Variants in GLIS1 observed in about 807,000 individuals in gnomAD.
GLIS1 encodes the protein GLIS family zinc finger 1.
GLIS1 carries 24 observed loss-of-function variants against 63.8 expected under a neutral mutation model. The observed-to-expected ratio is 0.38, with a 90% CI of 0.27 to 0.53. The LOEUF (loss-of-function observed/expected upper bound fraction) is 0.53. Among genes scored for constraint, GLIS1 ranks in the 20% least tolerant of loss-of-function variants. The pLI, the probability that GLIS1 is intolerant of heterozygous loss-of-function variation, is 0.85. For missense variants in GLIS1, 1,036 were observed against 1,074.1 expected (o/e 0.96, Z 0.50); for synonymous variants, 450 against 482.5 (o/e 0.93, Z 0.88).
intron 2 of GLIS1, among the ~76,000 whole-genome samples, chr1:53,620,497 C>T (rs922177688): frequency 2.0e-5 from 3 of 152,234 alleles, no homozygotes; most frequent in Non-Finnish European, 4.4e-5. Flanking sequence ...ACCCCGTCGG[C>T]GGCTTGGCCA....
chr1:53,594,056 G>A lies in GLIS1; in HGVS notation c.1320+52C>T, dbSNP rs916598641. On this transcript the variant is annotated intron_variant, in intron 4 of 10. Coordinates refer to ENST00000628545, the MANE Select transcript of GLIS1 (RefSeq NM_001367484.1). ...CCTCTCCTGGGGCACTGGGGTGAGT[G>A]CTGCTCTGCCAGAGGGGCTGGGGTG... The A allele has an allele frequency of 2.6e-6, 4 of 1,555,076 alleles. 1 individual carries two copies. In the Admixed American group the frequency reaches 7.2e-5, roughly 28 times the overall value.
At chr1:53,515,079 A>ATGTGTGTGTGTG (rs5774151) in intron 7 of GLIS1, among the ~76,000 whole-genome samples, 187 of 142,090 alleles carry the variant, frequency 1.3e-3, no homozygotes, top group African/African-American at 4.5e-3. Flanking sequence ...GTGTGTGTAT[A>ATGTGTGTGTGTG]TGTGTGTGTG....
intron 6 of GLIS1, among the ~76,000 whole-genome samples, chr1:53,521,847 G>A (rs1644412724): frequency 6.6e-6 from 1 of 152,252 alleles, no homozygotes; most frequent in Admixed American, 6.5e-5. Context: ...GATGACTGGG[G>A]CAGGCACCTG....
chr1:53,680,882 T>C (rs986689025), intron 2 of GLIS1, among the ~76,000 whole-genome samples: 2 of 152,212 alleles, frequency 1.3e-5, no homozygotes, highest in African/African-American at 4.8e-5. Context: ...GAATTGACTG[T>C]GGACAAGAGC....
At chr1:53,708,305 C>T (rs1275944856) in intron 2 of GLIS1, among the ~76,000 whole-genome samples, 1 of 151,972 alleles carries the variant, frequency 6.6e-6, no homozygotes, top group Non-Finnish European at 1.5e-5. Context: ...GAAAGGAAAG[C>T]AAAGCTAAAG....
At chr1:53,589,729 G>A (rs899641590) in intron 4 of GLIS1, among the ~76,000 whole-genome samples, 1 of 152,170 alleles carries the variant, frequency 6.6e-6, no homozygotes, top group Non-Finnish European at 1.5e-5. Context: ...AACCCGGCCC[G>A]AGACTCCAGC....
At chr1:53,597,036 T>A in intron 3 of GLIS1, among the ~76,000 whole-genome samples, 1 of 151,796 alleles carries the variant, frequency 6.6e-6, no homozygotes, top group East Asian at 1.9e-4. Flanking sequence ...ATTTACATTC[T>A]GCTGAGGGGT....
At chr1:53,508,024 G>T (rs1233991055) in intron 10 of GLIS1, among the ~76,000 whole-genome samples, 1 of 152,228 alleles carries the variant, frequency 6.6e-6, no homozygotes, top group Non-Finnish European at 1.5e-5. Context: ...CCACGGGCCT[G>T]TGGGCACAAT....
chr1:53,654,765 G>C (rs1006533930), intron 2 of GLIS1, among the ~76,000 whole-genome samples: 2 of 152,194 alleles, frequency 1.3e-5, no homozygotes, highest in African/African-American at 2.4e-5. Flanking sequence ...ATCCTCCTAG[G>C]AGCAGCGTCG....
intron 6 of GLIS1, among the ~76,000 whole-genome samples, chr1:53,521,572 G>A (rs1167126251): frequency 1.3e-5 from 2 of 152,188 alleles, no homozygotes; most frequent in South Asian, 2.1e-4. Context: ...ACAGAGTGAC[G>A]ATGGCTGGGG....
chr1:53,518,713 G>A (rs1261300516), intron 7 of GLIS1, among the ~76,000 whole-genome samples: 1 of 152,342 alleles, frequency 6.6e-6, no homozygotes, highest in South Asian at 2.1e-4. Flanking sequence ...AGCTGATTCT[G>A]TTTCTCATCG....
At chr1:53,566,942 A>G (rs1644941453) in intron 4 of GLIS1, among the ~76,000 whole-genome samples, 1 of 152,190 alleles carries the variant, frequency 6.6e-6, no homozygotes, top group Non-Finnish European at 1.5e-5. Flanking sequence ...AATACAGAAA[A>G]TTGGTACTGG....
Position 53,730,067 on chromosome 1 carries a change from T to C in GLIS1, c.259+7739A>G, listed in dbSNP as rs191104285. On this transcript the variant is annotated intron_variant, in intron 2 of 10. Transcript: ENST00000628545. ...ATATTATCATTCTCTGCCTTGAGGGTTGGACTTGAGACTGCTGAAGCTACT... is the reference window on the plus strand; with the variant it reads ...ATATTATCATTCTCTGCCTTGAGGGCTGGACTTGAGACTGCTGAAGCTACT... Among the ~76,000 whole-genome samples the C allele has an allele frequency of 1.2e-3, 178 of 152,052 alleles. 1 individual carries two copies. Among genetic ancestry groups the C allele is most frequent in the African/African-American group, 4.1e-3 (171 of 41,506 alleles).
At chr1:53,578,858 T>C (rs1165839480) in intron 4 of GLIS1, among the ~76,000 whole-genome samples, 4 of 152,080 alleles carry the variant, frequency 2.6e-5, no homozygotes, top group African/African-American at 7.2e-5. Context: ...CAACAGGATT[T>C]TCCTCCACCT....
intron 2 of GLIS1, among the ~76,000 whole-genome samples, chr1:53,715,539 C>T (rs556473371): frequency 2.3e-4 from 35 of 152,076 alleles, no homozygotes; most frequent in African/African-American, 8.0e-4. Flanking sequence ...GCATTTACAC[C>T]GGCTGCTGGG....
At chr1:53,687,220 G>A (rs1347078750) in intron 2 of GLIS1, among the ~76,000 whole-genome samples, 1 of 152,202 alleles carries the variant, frequency 6.6e-6, no homozygotes, top group Admixed American at 6.5e-5. Context: ...GGGGCCGCTT[G>A]CCTCTTGGGC....
intron 2 of GLIS1, chr1:53,733,837 T>C (rs1471635683): frequency 1.2e-5 from 10 of 836,220 alleles, no homozygotes; most frequent in Non-Finnish European, 1.4e-5. Flanking sequence ...CACTTTAAAA[T>C]GGATGAAATG....
intron 4 of GLIS1, among the ~76,000 whole-genome samples, chr1:53,530,599 T>A (rs1557434785): frequency 6.6e-6 from 1 of 152,132 alleles, no homozygotes. Context: ...TGTGACCATA[T>A]ACAGCCCTCC....
chr1:53,624,042 G>C (rs1645571072), intron 2 of GLIS1, among the ~76,000 whole-genome samples: 1 of 152,162 alleles, frequency 6.6e-6, no homozygotes, highest in Non-Finnish European at 1.5e-5. Flanking sequence ...TTGACAAGTT[G>C]ATTCCAAAAT....
Sources: allele counts gnomAD v4.1 joint callset (sites outside exome capture counted in the v4.1 genomes callset), GRCh38; gene constraint gnomAD v4.1.1; transcripts MANE v1.5; gene names NCBI Gene and HGNC (gene_info 2026-07-23, HGNC 2026-07-21).